The following TYW1B variants were observed in gnomAD, a reference collection of about 807,000 sequenced individuals.
TYW1B encodes S-adenosyl-L-methionine-dependent tRNA 4-demethylwyosine synthase TYW1B.
In TYW1B, 73 loss-of-function variants were observed where a neutral mutation model predicts 86.9. That is an observed-to-expected ratio of 0.84 (90% CI 0.70 to 1.02). The LOEUF (loss-of-function observed/expected upper bound fraction) is 1.02, where lower values mean the gene tolerates loss of function less well. TYW1B is among the 50% of genes least tolerant of loss of function. TYW1B has a pLI of 0.00. For synonymous variants in TYW1B, 248 were observed against 292.8 expected (o/e 0.85, Z 1.56); for missense variants, 637 against 827.4 (o/e 0.77, Z 2.82).
At chr7:72,706,089 G>T (rs1381922470) in intron 10 of TYW1B, among the ~76,000 whole-genome samples, 6 of 152,180 alleles carry the variant, frequency 3.9e-5, no homozygotes, top group Admixed American at 1.3e-4. Flanking sequence ...AGAGGGAAAA[G>T]AATTCTTTGT....
At chr7:72,789,951 T>TC (rs1788191514) in intron 6 of TYW1B, among the ~76,000 whole-genome samples, 1 of 142,752 alleles carries the variant, frequency 7.0e-6, no homozygotes, top group Admixed American at 7.0e-5. Context: ...TTTTTTTTTT[T>TC]TTTTTTTTTT....
At chr7:72,818,567 A>T (rs1157502888) in intron 2 of TYW1B, among the ~76,000 whole-genome samples, 5 of 137,168 alleles carry the variant, frequency 3.6e-5, no homozygotes, top group African/African-American at 1.4e-4. Flanking sequence ...CAACTAAGCG[A>T]GACTCCATCT....
chr7:72,713,300 CAAAAAAA>C (rs71069102), intron 10 of TYW1B, among the ~76,000 whole-genome samples: 14 of 55,854 alleles, frequency 2.5e-4, no homozygotes, highest in African/African-American at 9.6e-4. Context: ...GACTCCAACT[CAAAAAAA>C]AAAAAAAAAA....
intron 9 of TYW1B, among the ~76,000 whole-genome samples, chr7:72,722,063 A>G (rs1202409652): frequency 4.6e-5 from 7 of 152,304 alleles, no homozygotes; most frequent in Non-Finnish European, 4.4e-5. Flanking sequence ...TCTTCCCAAC[A>G]ACCTGTCCTG....
intron 7 of TYW1B, among the ~76,000 whole-genome samples, chr7:72,765,528 C>T (rs1176133849): frequency 2.0e-5 from 3 of 152,040 alleles, no homozygotes; most frequent in South Asian, 2.1e-4. Context: ...TGCAGTGGTG[C>T]GATCATGATT....
intron 11 of TYW1B, among the ~76,000 whole-genome samples, chr7:72,636,203 C>G (rs1554440730): frequency 6.6e-6 from 1 of 152,086 alleles, no homozygotes; most frequent in East Asian, 1.9e-4. Context: ...TGTTATGGTA[C>G]TATCTTTTCT....
chr7:72,623,577 C>A (rs1208554505), intron 12 of TYW1B, among the ~76,000 whole-genome samples: 1 of 152,162 alleles, frequency 6.6e-6, no homozygotes, highest in African/African-American at 2.4e-5. Flanking sequence ...CTAGTCCTGT[C>A]TACTAGGACC....
chr7:72,648,406 G>C (rs1279385197), intron 11 of TYW1B, among the ~76,000 whole-genome samples: 3 of 151,980 alleles, frequency 2.0e-5, no homozygotes, highest in African/African-American at 7.3e-5. Context: ...AGCTGGACTT[G>C]GTAGCGCATG....
intron 1 of TYW1B, among the ~76,000 whole-genome samples, chr7:72,827,732 TTAA>T (rs1159599246): frequency 2.6e-5 from 4 of 152,182 alleles, no homozygotes; most frequent in Admixed American, 2.6e-4. Context: ...ATTTTTTTTT[TTAA>T]GAGAGATATG....
intron 13 of TYW1B, among the ~76,000 whole-genome samples, chr7:72,595,721 AAAT>A (rs1811515970): frequency 6.6e-6 from 1 of 152,124 alleles, no homozygotes; most frequent in African/African-American, 2.4e-5. Context: ...ACAAAATTAA[AAAT>A]AAGATAGCAT....
chr7:72,670,141 T>G (rs1554446092), intron 11 of TYW1B, among the ~76,000 whole-genome samples: 1 of 152,086 alleles, frequency 6.6e-6, no homozygotes, highest in South Asian at 2.1e-4. Flanking sequence ...TAAATAGTAA[T>G]AGCACTGACA....
intron 6 of TYW1B, among the ~76,000 whole-genome samples, chr7:72,791,257 G>A (rs1554473332): frequency 6.6e-6 from 1 of 152,036 alleles, no homozygotes; most frequent in African/African-American, 2.4e-5. Context: ...AAGAAACCTT[G>A]GGGAGGGAGG....
intron 13 of TYW1B, among the ~76,000 whole-genome samples, chr7:72,605,559 G>A (rs1380477245): frequency 6.6e-6 from 1 of 151,932 alleles, no homozygotes; most frequent in Non-Finnish European, 1.5e-5. Flanking sequence ...TCACCATATT[G>A]GCCAGGCTGG....
chr7:72,727,735 G>T (rs530312755), intron 9 of TYW1B, among the ~76,000 whole-genome samples: 1 of 148,130 alleles, frequency 6.8e-6, no homozygotes, highest in East Asian at 2.0e-4. Flanking sequence ...GATCATCTGA[G>T]CCTGGGAAGT....
chr7:72,750,138 T>A (rs1207910855), intron 7 of TYW1B, among the ~76,000 whole-genome samples: 1 of 151,912 alleles, frequency 6.6e-6, no homozygotes. Context: ...TGACCTCAAG[T>A]AATTGGCCCA....
chr7:72,667,048 A>AAAAAAAAAT, intron 11 of TYW1B, among the ~76,000 whole-genome samples: 1 of 131,450 alleles, frequency 7.6e-6, no homozygotes, highest in Non-Finnish European at 1.6e-5. Context: ...AAAAAAAAAA[A>AAAAAAAAAT]AAAGAAACTA....
intron 5 of TYW1B, among the ~76,000 whole-genome samples, chr7:72,804,981 C>T (rs1182841326): frequency 6.6e-6 from 1 of 152,260 alleles, no homozygotes; most frequent in South Asian, 2.1e-4. Context: ...GAACCTATTT[C>T]GTCTTCACAT....
chr7:72,776,220 T>C (rs367907932), intron 7 of TYW1B, among the ~76,000 whole-genome samples: 1 of 152,122 alleles, frequency 6.6e-6, no homozygotes, highest in Non-Finnish European at 1.5e-5. Flanking sequence ...AATGGAAGTA[T>C]AGTACTGTAC....
At chr7:72,746,715 A>G (rs1300943459) in intron 7 of TYW1B, among the ~76,000 whole-genome samples, 1 of 152,224 alleles carries the variant, frequency 6.6e-6, no homozygotes, top group Non-Finnish European at 1.5e-5. Context: ...CACAGAGGAC[A>G]GATCATGTAA....
Sources: gnomAD v4.1 joint callset for allele counts (sites outside exome capture counted in the v4.1 genomes callset) on GRCh38, gnomAD v4.1.1 for gene constraint, MANE v1.5 for transcripts, NCBI Gene and HGNC (gene_info 2026-07-23, HGNC 2026-07-21) for gene names.